Variants in CHST8 observed in about 807,000 individuals in gnomAD.
CHST8 encodes GALNAC-4-ST1.
A neutral mutation model predicts 15.0 loss-of-function variants in CHST8; 10 were observed. The observed-to-expected ratio is 0.67, with a 90% CI of 0.41 to 1.13. The LOEUF (loss-of-function observed/expected upper bound fraction) is 1.13, where lower values mean the gene tolerates loss of function less well. Ranked by LOEUF, CHST8 falls within the 50% of genes most tolerant of loss-of-function variation. CHST8 has a pLI of 0.00. For synonymous variants in CHST8, 259 were observed against 256.6 expected, an observed-to-expected ratio of 1.01 and a Z score of -0.09; for missense variants, 634 against 608.2, an observed-to-expected ratio of 1.04 and a Z score of -0.45.
intron 2 of CHST8, among the ~76,000 whole-genome samples, chr19:33,669,737 A>G (rs2145230661): frequency 6.6e-6 from 1 of 152,278 alleles, no homozygotes; most frequent in South Asian, 2.1e-4. Flanking sequence ...CTATTAACTT[A>G]GTGAGGGTGG....
chr19:33,772,341 T>A lies in CHST8; in HGVS notation c.553T>A (p.Phe185Ile), dbSNP rs755757001. The A allele has an allele frequency of 1.2e-6, 2 of 1,606,628 alleles. No homozygotes were observed. Among genetic ancestry groups the A allele is most frequent in the Non-Finnish European group, 1.7e-6 (2 of 1,179,218 alleles). ...CACGCCCCGCCACGTGTCCCGTATC[T>A]TCGTGGAGGACCGCCACCGCGTGCT... is the stretch of plus-strand genomic sequence containing the variant. Reference protein sequence around the residue: ...AVTPRHVSRIFVEDRHRVLYC... With the variant: ...AVTPRHVSRIIVEDRHRVLYC... Residue 185 changes from phenylalanine to isoleucine, a missense_variant, in exon 5 of 5, where the codon TTC becomes ATC. By Grantham distance (21) the Phe-to-Ile change is conservative (BLOSUM62 0). Coordinates refer to ENST00000650847, the MANE Select transcript of CHST8 (RefSeq NM_001127895.2).
At chr19:33,673,910 C>A (rs892667287) in intron 2 of CHST8, among the ~76,000 whole-genome samples, 1 of 152,156 alleles carries the variant, frequency 6.6e-6, no homozygotes, top group East Asian at 1.9e-4. Context: ...CGCGCCATCA[C>A]ATCTGGCTAA....
At chr19:33,764,432 C>A (rs1974792047) in intron 3 of CHST8, among the ~76,000 whole-genome samples, 1 of 152,162 alleles carries the variant, frequency 6.6e-6, no homozygotes, top group African/African-American at 2.4e-5. Context: ...CCCAGGAGTT[C>A]AAGACTGCAG....
intron 2 of CHST8, among the ~76,000 whole-genome samples, chr19:33,676,158 T>A (rs539651140): frequency 2.0e-5 from 3 of 152,318 alleles, no homozygotes; most frequent in South Asian, 2.1e-4. Context: ...TAAGTTTTTT[T>A]AAATGTGCAT....
At position 33,757,482 on chromosome 19, in the gene CHST8, G is replaced by T. The variant is rs1310367001; in HGVS notation, c.131-13931G>T. On this transcript the variant is annotated intron_variant, in intron 3 of 4. Transcript: ENST00000650847. ...AGAAAGAAAGAAAGAAAGAAAGAAA[G>T]AAAGAAAGAAAGAAAGAAAGAAAGA... Among the ~76,000 whole-genome samples the T allele has an allele frequency of 8.1e-4, 36 of 44,564 alleles. 3 individuals carry two copies. The highest frequency in any genetic ancestry group is 0.013 in the Middle Eastern group (1 of 76). 29.2% of individuals were successfully genotyped at this position (44,564 alleles called of 152,430 possible).
At chr19:33,662,807 A>G (rs1972604215) in intron 1 of CHST8, among the ~76,000 whole-genome samples, 1 of 152,222 alleles carries the variant, frequency 6.6e-6, no homozygotes. Context: ...AGTGGGTGCC[A>G]ACTCAGAATG....
chr19:33,727,332 C>T (rs1283146494), intron 3 of CHST8, among the ~76,000 whole-genome samples: 6 of 152,146 alleles, frequency 3.9e-5, no homozygotes, highest in African/African-American at 1.4e-4. Flanking sequence ...AACCAGCCTC[C>T]CGTGGTGGCT....
Position 33,710,872 on chromosome 19 carries a change from G to GGTTTT in CHST8, c.130+21481_130+21482insGTTTT, listed in dbSNP as rs397802097. On this transcript the variant is annotated intron_variant, in intron 3 of 4. Coordinates refer to ENST00000650847, the MANE Select transcript of CHST8 (RefSeq NM_001127895.2). ...TGTATGCTTTTGGTCAATTTCTGGA[G>GGTTTT]TTTTTTTTTTTTTTTTTAAGGGGTA... 2.1e-4 allele frequency among the ~76,000 whole-genome samples: 29 copies of GGTTTT among 138,664 alleles called. 2 individuals carry two copies. The highest frequency in any genetic ancestry group is 7.4e-4 in the African/African-American group (28 of 37,704). 91.0% of individuals were successfully genotyped at this position (138,664 alleles called of 152,430 possible).
At chr19:33,746,442 C>T (rs1974314538) in intron 3 of CHST8, among the ~76,000 whole-genome samples, 1 of 152,158 alleles carries the variant, frequency 6.6e-6, no homozygotes, top group Non-Finnish European at 1.5e-5. Flanking sequence ...TGAGATCCTA[C>T]AGTGTGTGTT....
chr19:33,691,932 G>A (rs1279529831), intron 3 of CHST8, among the ~76,000 whole-genome samples: 1 of 152,204 alleles, frequency 6.6e-6, no homozygotes, highest in African/African-American at 2.4e-5. Flanking sequence ...GCAGTTTGTG[G>A]CACAACAAAT....
intron 3 of CHST8, among the ~76,000 whole-genome samples, chr19:33,702,657 G>A (rs756223828): frequency 9.2e-5 from 14 of 152,210 alleles, no homozygotes; most frequent in South Asian, 2.1e-4. Flanking sequence ...GTTGGGTTGC[G>A]TCTCCACAGT....
chr19:33,730,378 T>A (rs1401622374), intron 3 of CHST8, among the ~76,000 whole-genome samples: 1 of 152,174 alleles, frequency 6.6e-6, no homozygotes, highest in Non-Finnish European at 1.5e-5. Flanking sequence ...AGATGTAAGG[T>A]TAATCATAGA....
At chr19:33,636,563 GAA>G (rs1972206007) in intron 1 of CHST8, among the ~76,000 whole-genome samples, 1 of 152,066 alleles carries the variant, frequency 6.6e-6, no homozygotes, top group Non-Finnish European at 1.5e-5. Context: ...TCTCGCACAA[GAA>G]AAAATTCGGG....
intron 1 of CHST8, among the ~76,000 whole-genome samples, chr19:33,639,562 C>A (rs1484114620): frequency 6.6e-6 from 1 of 152,158 alleles, no homozygotes; most frequent in Non-Finnish European, 1.5e-5. Context: ...AGATGGCAGA[C>A]AACCTCAAAT....
intron 3 of CHST8, among the ~76,000 whole-genome samples, chr19:33,713,883 CTT>C (rs112576827): frequency 0.23 from 35,715 of 151,980 alleles, 4,947 homozygotes; most frequent in African/African-American, 0.39. Flanking sequence ...ACCTGCCACT[CTT>C]TTGAGCTGCA....
intron 3 of CHST8, among the ~76,000 whole-genome samples, chr19:33,691,883 T>C (rs1173529794): frequency 6.6e-6 from 1 of 152,198 alleles, no homozygotes; most frequent in Non-Finnish European, 1.5e-5. Flanking sequence ...TTCCATACCA[T>C]GGCATGAACT....
intron 3 of CHST8, among the ~76,000 whole-genome samples, chr19:33,699,188 C>G (rs1363734498): frequency 1.3e-5 from 2 of 152,176 alleles, no homozygotes; most frequent in Non-Finnish European, 2.9e-5. Context: ...TGTGTGAAGG[C>G]CCTGCAAGCC....
chr19:33,627,733 A>G (rs1972073769), intron 1 of CHST8, among the ~76,000 whole-genome samples: 1 of 152,182 alleles, frequency 6.6e-6, no homozygotes, highest in Non-Finnish European at 1.5e-5. Context: ...TCTCAGTCCC[A>G]CACTCCTGGT....
chr19:33,703,676 C>T lies in CHST8; in HGVS notation c.130+14285C>T, dbSNP rs552655597. On this transcript the variant is annotated intron_variant, in intron 3 of 4. Transcript: ENST00000650847. ...GCCTTTAGGGTCACTGCAGATCCCC[C>T]TCTCCTTCTCACAATATTTGCAGAA... Among the ~76,000 whole-genome samples the T allele has an allele frequency of 7.2e-5, 11 of 152,370 alleles. No individual in the cohort carries two copies. In the South Asian group the frequency reaches 2.3e-3, roughly 32 times the overall value.
Sources: allele counts gnomAD v4.1 joint callset (sites outside exome capture counted in the v4.1 genomes callset), GRCh38; gene constraint gnomAD v4.1.1; transcripts MANE v1.5; gene names NCBI Gene and HGNC (gene_info 2026-07-23, HGNC 2026-07-21).